Variants in HMSD observed in about 807,000 individuals in gnomAD.
The protein encoded by HMSD is histocompatibility minor serpin domain containing.
A neutral mutation model predicts 10.0 loss-of-function variants in HMSD; 13 were observed. That is an observed-to-expected ratio of 1.31 (90% CI 0.85 to 2.08). The LOEUF (loss-of-function observed/expected upper bound fraction) is 2.08, where lower values mean the gene tolerates loss of function less well. HMSD is among the 30% of genes most tolerant of loss of function. The pLI, the probability that HMSD is intolerant of heterozygous loss-of-function variation, is 0.00. For missense variants in HMSD, 169 were observed against 166.3 expected, an observed-to-expected ratio of 1.02 and a Z score of -0.09; for synonymous variants, 51 against 54.2, an observed-to-expected ratio of 0.94 and a Z score of 0.26.
At chr18:63,951,015 T>C (rs2050327761) in intron 1 of HMSD, among the ~76,000 whole-genome samples, 1 of 152,226 alleles carries the variant, frequency 6.6e-6, no homozygotes, top group Non-Finnish European at 1.5e-5. Flanking sequence ...ACAGTATTAC[T>C]AGTGGGGTGC....
At chr18:63,965,444 A>ACTT (rs1395984015), downstream of HMSD, among the ~76,000 whole-genome samples, 1 of 152,192 alleles carries the variant, frequency 6.6e-6, no homozygotes, top group East Asian at 1.9e-4. Context: ...GTCACTTAAT[A>ACTT]CTTCCCCTTA....
At chr18:63,951,762 C>T (rs1211321896) in intron 1 of HMSD, among the ~76,000 whole-genome samples, 2 of 152,112 alleles carry the variant, frequency 1.3e-5, no homozygotes, top group East Asian at 1.9e-4. Context: ...GAAAATTAAT[C>T]ATCAGCCCTA....
downstream of HMSD, among the ~76,000 whole-genome samples, chr18:63,963,538 T>G (rs1452032670): frequency 6.6e-6 from 1 of 152,192 alleles, no homozygotes; most frequent in African/African-American, 2.4e-5. Context: ...GGAAGTAGTT[T>G]GCTTTCTCTA....
At chr18:63,956,631 G>C (rs2050360036) in intron 3 of HMSD, among the ~76,000 whole-genome samples, 1 of 152,178 alleles carries the variant, frequency 6.6e-6, no homozygotes, top group Non-Finnish European at 1.5e-5. Context: ...GCGGCTGGTG[G>C]GAATGTAAAT....
rs756949228 is a variant in HMSD at position 63,960,139 on chromosome 18, T to G, written c.223-19T>G. The G allele has an allele frequency of 3.7e-6, 6 of 1,605,634 alleles. No homozygotes were observed. On this transcript the variant is annotated intron_variant, in intron 3 of 3. Coordinates refer to ENST00000408945, the MANE Select transcript of HMSD (RefSeq NM_001123366.2). ...AGTTGTTTCTGTAGCTGTGAAATTA[T>G]GTTTTTGGTTTTTCCTAGGGTTTTA...
At position 63,960,584 on chromosome 18, in the gene HMSD, C is replaced by T; in HGVS notation, c.*229C>T. 7 of 496,024 alleles carry T rather than the reference C, an allele frequency of 1.4e-5. No homozygotes were observed. Among genetic ancestry groups the T allele is most frequent in the South Asian group, 6.7e-5 (3 of 44,970 alleles). The allele number at this position is 496,024 out of a possible 1,614,324, so 30.7% of individuals were successfully genotyped here. A position where few individuals can be genotyped will look rare whatever the true frequency, so the allele number is the denominator to read the frequency against. On this transcript the variant is annotated 3_prime_UTR_variant, in exon 4 of 4. Coordinates refer to ENST00000408945, the MANE Select transcript of HMSD (RefSeq NM_001123366.2). ...TGAATTTAAAAATTTCTAGCTGTCTCCCTCACTGGTATTGCCATACTGTAT... is the reference window on the plus strand; with the variant it reads ...TGAATTTAAAAATTTCTAGCTGTCTTCCTCACTGGTATTGCCATACTGTAT...
intron 3 of HMSD, among the ~76,000 whole-genome samples, chr18:63,955,715 T>C (rs1281394251): frequency 1.3e-5 from 2 of 151,590 alleles, no homozygotes; most frequent in African/African-American, 4.8e-5. Flanking sequence ...TAGTGAACAC[T>C]GACCCTGAAA....
chr18:63,957,428 G>A (rs540094254), intron 3 of HMSD, among the ~76,000 whole-genome samples: 23 of 152,048 alleles, frequency 1.5e-4, no homozygotes, highest in African/African-American at 4.8e-4. Flanking sequence ...TTTTCTATGG[G>A]GTTGTATGTC....
In HMSD at chr18:63,960,493, T is replaced by C. The variant is rs1348977515; in HGVS notation, c.*138T>C. 7.0e-6 allele frequency: 9 copies of C among 1,282,018 alleles called. No individual in the cohort carries two copies. In the East Asian group the frequency reaches 2.6e-4, roughly 37 times the overall value. 79.4% of individuals were successfully genotyped at this position (1,282,018 alleles called of 1,614,324 possible). On this transcript the variant is annotated 3_prime_UTR_variant, in exon 4 of 4. Transcript: ENST00000408945. ...TGTGATGTCTCTCTAGATGAAATAA[T>C]CTCTTCCAGGTTTTTTTGCTTGTTA...
At chr18:63,967,131 G>A (rs2050413092) in intron 3 of HMSD, among the ~76,000 whole-genome samples, 1 of 82,132 alleles carries the variant, frequency 1.2e-5, no homozygotes, top group Non-Finnish European at 2.3e-5. Context: ...ACTCCGGTGA[G>A]ACTCTTTGTT....
intron 3 of HMSD, among the ~76,000 whole-genome samples, chr18:63,967,701 C>T (rs886336624): frequency 1.3e-5 from 2 of 152,086 alleles, no homozygotes; most frequent in African/African-American, 4.8e-5. Flanking sequence ...CTCCCTAGTA[C>T]TGACTGAAGA....
downstream of HMSD, chr18:63,961,963 C>T (rs541102856): frequency 1.2e-4 from 19 of 152,298 alleles, no homozygotes; most frequent in African/African-American, 4.1e-4. Flanking sequence ...GTCCAGCCTC[C>T]CAAATAATAA....
chr18:63,961,967 A>T (rs1329977848), downstream of HMSD: 2 of 152,242 alleles, frequency 1.3e-5, no homozygotes, highest in Non-Finnish European at 2.9e-5. Context: ...AGCCTCCCAA[A>T]TAATAATTCC....
intron 1 of HMSD, 136 bp from the exon 2 acceptor site, chr18:63,953,218 T>C (rs992969451): frequency 6.8e-6 from 3 of 439,612 alleles, no homozygotes; most frequent in Non-Finnish European, 1.3e-5. Flanking sequence ...AGAAAAGCCC[T>C]AGTGTAGTTT....
At chr18:63,957,103 GAAC>G (rs2050362596) in intron 3 of HMSD, among the ~76,000 whole-genome samples, 1 of 152,110 alleles carries the variant, frequency 6.6e-6, no homozygotes, top group African/African-American at 2.4e-5. Flanking sequence ...GGTGAGGATT[GAAC>G]AACTACCTAT....
chr18:63,963,063 T>TTTCTTTC (rs1196177480), downstream of HMSD, among the ~76,000 whole-genome samples: 13 of 75,666 alleles, frequency 1.7e-4, no homozygotes, highest in African/African-American at 1.1e-3. Flanking sequence ...TCTTTCTTTC[T>TTTCTTTC]TTTCTTTCTC....
chr18:63,954,023 G>A (rs544902232), intron 2 of HMSD, among the ~76,000 whole-genome samples: 37 of 152,330 alleles, frequency 2.4e-4, no homozygotes, highest in Middle Eastern at 3.4e-3. Flanking sequence ...GAAGGGGAGA[G>A]AGACTCCATC....
At chr18:63,954,663 C>T (rs764282333) in intron 3 of HMSD, 106 bp downstream of exon 3, 1 of 898,904 alleles carries the variant, frequency 1.1e-6, no homozygotes, top group Non-Finnish European at 1.7e-6. Flanking sequence ...ACTCAGAACT[C>T]CACGCACGAA....
intron 1 of HMSD, among the ~76,000 whole-genome samples, chr18:63,949,624 C>T (rs551308809): frequency 2.0e-5 from 3 of 152,250 alleles, no homozygotes; most frequent in Admixed American, 2.0e-4. Flanking sequence ...CCTATGGGTC[C>T]AGGCGCGGGG....
Sources: gnomAD v4.1 joint callset for allele counts (sites outside exome capture counted in the v4.1 genomes callset) on GRCh38, gnomAD v4.1.1 for gene constraint, MANE v1.5 for transcripts, NCBI Gene and HGNC (gene_info 2026-07-23, HGNC 2026-07-21) for gene names.